The following DMD variants were observed in gnomAD, a reference collection of about 807,000 sequenced individuals.
DMD encodes the protein dystrophin.
Under a neutral mutation model 330.1 loss-of-function variants are expected in DMD, and 63 were observed. The observed-to-expected ratio is 0.19, with a 90% CI of 0.16 to 0.24. The LOEUF is 0.24. DMD is among the 10% of genes least tolerant of loss of function. The pLI is 1.00. For synonymous variants in DMD, 1,223 were observed against 959.8 expected, an observed-to-expected ratio of 1.27 and a Z score of -5.07; for missense variants, 3,344 against 2,684.1, an observed-to-expected ratio of 1.25 and a Z score of -5.43.
At chrX:32,705,004 C>CATAT (rs1276635739) in intron 7 of DMD, among the ~76,000 whole-genome samples, 2 of 111,805 alleles carry the variant, frequency 1.8e-5, no homozygotes, top group Non-Finnish European at 3.8e-5. Flanking sequence ...AGTTGTAGAC[C>CATAT]ATATCATGGC....
In DMD at chrX:32,558,942, T is replaced by TTTTTTTTTC. The variant is rs1569199496; in HGVS notation, c.1992+6759_1992+6760insGAAAAAAAA. 1.0e-4 allele frequency among the ~76,000 whole-genome samples: 3 copies of TTTTTTTTTC among 29,501 alleles called. 1 individual carries two copies. The highest frequency in any genetic ancestry group is 4.3e-4 in the African/African-American group (3 of 7,002). The allele number at this position is 29,501 out of a possible 115,157, so 25.6% of individuals were successfully genotyped here. A position where few individuals can be genotyped will look rare whatever the true frequency, so the allele number is the denominator to read the frequency against. ...TGAGATGTAACTTCAAATTTTCTTT[T>TTTTTTTTTC]TTTTTTTTTTTTTTTTTTTTTTTTT... On this transcript the variant is annotated intron_variant, in intron 16 of 78. Transcript: ENST00000357033.
chrX:32,422,843 A>G (rs1369936437), intron 29 of DMD, among the ~76,000 whole-genome samples: 1 of 111,289 alleles, frequency 9.0e-6, no homozygotes, highest in Non-Finnish European at 1.9e-5. Flanking sequence ...TGATTATTCA[A>G]TCTCAAGAAT....
At chrX:31,473,720 A>AAAAAAAAAAAAAAAAAAAAAAAAAAG (rs1310270784) in intron 59 of DMD, among the ~76,000 whole-genome samples, 2 of 104,377 alleles carry the variant, frequency 1.9e-5, no homozygotes, top group African/African-American at 7.2e-5. Context: ...TCAAAAAAAA[A>AAAAAAAAAAAAAAAAAAAAAAAAAAG]AAAAAAAAGA....
chrX:32,761,156 C>T (rs1031028581), intron 7 of DMD, among the ~76,000 whole-genome samples: 2 of 111,795 alleles, frequency 1.8e-5, no homozygotes, highest in South Asian at 3.7e-4. Flanking sequence ...ATGTTGTCTC[C>T]TTTTTTTGCA....
chrX:31,173,308 C>T (rs767740939), intron 72 of DMD, among the ~76,000 whole-genome samples: 4 of 111,210 alleles, frequency 3.6e-5, no homozygotes, highest in East Asian at 2.8e-4. Context: ...GCAAGGCTAC[C>T]GGAAATGTTT....
intron 1 of DMD, among the ~76,000 whole-genome samples, chrX:33,080,126 T>A (rs1020668564): frequency 1.8e-5 from 2 of 112,519 alleles, no homozygotes; most frequent in African/African-American, 6.5e-5. Context: ...CGCTTTATAA[T>A]TTTCCATTAA....
intron 43 of DMD, among the ~76,000 whole-genome samples, chrX:32,233,733 A>G (rs1245078434): frequency 9.2e-6 from 1 of 108,529 alleles, no homozygotes; most frequent in Non-Finnish European, 1.9e-5. Context: ...CCAGGGTGGA[A>G]GAGATTCTCT....
intron 44 of DMD, among the ~76,000 whole-genome samples, chrX:32,150,230 A>G (rs1397777120): frequency 8.9e-6 from 1 of 112,324 alleles, no homozygotes. Flanking sequence ...AATAACGTGG[A>G]AAGTTATGAG....
intron 42 of DMD, among the ~76,000 whole-genome samples, chrX:32,294,734 A>T (rs1314043607): frequency 2.7e-5 from 3 of 111,253 alleles, no homozygotes; most frequent in African/African-American, 9.8e-5. Flanking sequence ...CAGGAAATAC[A>T]TCCTTTTTAA....
intron 43 of DMD, among the ~76,000 whole-genome samples, chrX:32,266,028 A>G (rs2097342980): frequency 9.0e-6 from 1 of 111,448 alleles, no homozygotes; most frequent in Non-Finnish European, 1.9e-5. Context: ...GGGGCCAGGG[A>G]TGAAATGATA....
chrX:32,747,858 A>T (rs2070258276), intron 7 of DMD, among the ~76,000 whole-genome samples: 1 of 111,403 alleles, frequency 9.0e-6, no homozygotes, highest in African/African-American at 3.3e-5. Flanking sequence ...CCACAGAAAA[A>T]ATTAGAAAAG....
chrX:32,602,730 C>A (rs187406516), intron 12 of DMD, among the ~76,000 whole-genome samples: 2 of 111,353 alleles, frequency 1.8e-5, no homozygotes, highest in East Asian at 5.7e-4. Context: ...GACTCATATG[C>A]ACACAGTCTC....
At chrX:31,164,933 T>A (rs983420760) in intron 74 of DMD, among the ~76,000 whole-genome samples, 1 of 111,500 alleles carries the variant, frequency 9.0e-6, no homozygotes, top group Non-Finnish European at 1.9e-5. Context: ...TCAAACAAAC[T>A]CTGCCATTCC....
At chrX:31,768,597 T>C (rs180892624) in intron 51 of DMD, among the ~76,000 whole-genome samples, 11 of 111,242 alleles carry the variant, frequency 9.9e-5, no homozygotes, top group Non-Finnish European at 1.5e-4. Context: ...CCAGGACATA[T>C]TTTTCCCTTC....
chrX:32,689,253 G>A (rs1157640251), intron 9 of DMD, among the ~76,000 whole-genome samples: 1 of 109,200 alleles, frequency 9.2e-6, no homozygotes, highest in Non-Finnish European at 1.9e-5. Context: ...ACACAATAAC[G>A]CTCCTTTAAT....
chrX:32,138,210 C>T (rs1391939426), intron 44 of DMD, among the ~76,000 whole-genome samples: 1 of 110,503 alleles, frequency 9.0e-6, no homozygotes, highest in Admixed American at 9.6e-5. Flanking sequence ...TATGACACTG[C>T]TACAGTGTAC....
chrX:32,389,148 G>A (rs2097982548), intron 32 of DMD, among the ~76,000 whole-genome samples: 1 of 111,400 alleles, frequency 9.0e-6, no homozygotes, highest in Non-Finnish European at 1.9e-5. Flanking sequence ...AGTTTACCTG[G>A]CATCCATTAT....
intron 57 of DMD, among the ~76,000 whole-genome samples, chrX:31,480,146 C>T (rs942214259): frequency 8.9e-6 from 1 of 112,120 alleles, no homozygotes; most frequent in African/African-American, 3.2e-5. Context: ...ATGTTGCCTG[C>T]TGAATTTAAG....
rs767029466 is a variant in DMD at position 33,022,045 on chromosome X, C to T, written c.32-1845G>A. Among the ~76,000 whole-genome samples the T allele has an allele frequency of 8.1e-5, 9 of 111,581 alleles. No individual in the cohort carries two copies. The South Asian group carries it at 2.2e-3, about 27-fold the overall frequency. ...GACTTTATGGAGGAAGATTGGTCAACGCATCATTTATCAGTAGTATATACA... is the reference window on the plus strand; with the variant it reads ...GACTTTATGGAGGAAGATTGGTCAATGCATCATTTATCAGTAGTATATACA... On this transcript the variant is annotated intron_variant, in intron 1 of 78. Transcript: ENST00000357033.
Sources: allele counts gnomAD v4.1 joint callset (sites outside exome capture counted in the v4.1 genomes callset), GRCh38; gene constraint gnomAD v4.1.1; transcripts MANE v1.5; gene names NCBI Gene and HGNC (gene_info 2026-07-23, HGNC 2026-07-21).